Variants in PTPRT observed in about 807,000 individuals in gnomAD.
The protein encoded by PTPRT is protein tyrosine phosphatase receptor type T, also known as receptor-type tyrosine-protein phosphatase T.
Under a neutral mutation model 176.8 loss-of-function variants are expected in PTPRT, and 56 were observed. The observed-to-expected ratio is 0.32, with a 90% confidence interval of 0.26 to 0.40. The LOEUF is 0.40. PTPRT is among the 10% of genes least tolerant of loss of function. PTPRT has a pLI of 1.00. For synonymous variants in PTPRT, 783 were observed against 739.0 expected (o/e 1.06, Z -0.96); for missense variants, 1,540 against 1,908.2 (o/e 0.81, Z 3.60).
chr20:42,371,997 A>G (rs2058593284), intron 9 of PTPRT, among the ~76,000 whole-genome samples: 1 of 152,156 alleles, frequency 6.6e-6, no homozygotes, highest in South Asian at 2.1e-4. Context: ...CTCTACTCCT[A>G]GGATGTTTAT....
intron 16 of PTPRT, among the ~76,000 whole-genome samples, chr20:42,170,334 A>G (rs1040970065): frequency 3.9e-5 from 6 of 152,326 alleles, no homozygotes; most frequent in African/African-American, 7.2e-5. Context: ...TCTTAATCTA[A>G]ACAACAGAAA....
chr20:42,797,271 T>C (rs926210626), intron 2 of PTPRT, among the ~76,000 whole-genome samples: 4 of 152,246 alleles, frequency 2.6e-5, no homozygotes, highest in African/African-American at 9.6e-5. Flanking sequence ...TTCAGGTCCA[T>C]GGCATTTGTG....
chr20:42,428,897 C>T (rs143338454), intron 9 of PTPRT, among the ~76,000 whole-genome samples: 1 of 152,232 alleles, frequency 6.6e-6, no homozygotes, highest in Non-Finnish European at 1.5e-5. Flanking sequence ...ACCTCAGTCA[C>T]CCTCTTCATT....
chr20:42,497,473 CAA>C (rs1325666132), intron 7 of PTPRT, among the ~76,000 whole-genome samples: 1 of 151,846 alleles, frequency 6.6e-6, no homozygotes. Context: ...TTGTTTGAGA[CAA>C]AGTCTCTCTG....
intron 1 of PTPRT, among the ~76,000 whole-genome samples, chr20:43,040,216 A>C (rs2146211250): frequency 6.6e-6 from 1 of 152,358 alleles, no homozygotes; most frequent in South Asian, 2.1e-4. Flanking sequence ...CTAATCAAAA[A>C]ATGTTTTCAT....
chr20:42,262,283 A>G (rs1164211995), intron 13 of PTPRT, among the ~76,000 whole-genome samples: 1 of 152,202 alleles, frequency 6.6e-6, no homozygotes, highest in Non-Finnish European at 1.5e-5. Flanking sequence ...TGAGGAGGGT[A>G]GAAGAAGTGG....
At chr20:42,080,987 G>T (rs913887805) in intron 30 of PTPRT, 55 bp from the exon 31 acceptor site, 7 of 1,420,910 alleles carry the variant, frequency 4.9e-6, no homozygotes, top group South Asian at 1.2e-5. Flanking sequence ...CGAGAGAGAT[G>T]AAAAAGGAAA....
chr20:42,618,732 A>G (rs1476032694), intron 7 of PTPRT, among the ~76,000 whole-genome samples: 3 of 133,362 alleles, frequency 2.2e-5, no homozygotes, highest in Non-Finnish European at 4.7e-5. Flanking sequence ...GTTGGTTTAA[A>G]GTCTGTTTTA....
intron 7 of PTPRT, among the ~76,000 whole-genome samples, chr20:42,626,623 T>C (rs6030374): frequency 0.23 from 34,719 of 152,088 alleles, 4,335 homozygotes; most frequent in Non-Finnish European, 0.29. Flanking sequence ...CCTCTTTAGT[T>C]GCAAGATTCC....
intron 7 of PTPRT, among the ~76,000 whole-genome samples, chr20:42,533,829 C>T (rs1259514212): frequency 6.6e-6 from 1 of 152,188 alleles, no homozygotes; most frequent in South Asian, 2.1e-4. Context: ...TCAGTCCCTA[C>T]TTCTGTAAAT....
chr20:42,989,947 T>C (rs560743672), intron 1 of PTPRT, among the ~76,000 whole-genome samples: 1 of 152,360 alleles, frequency 6.6e-6, no homozygotes, highest in South Asian at 2.1e-4. Context: ...TGTGGAGATG[T>C]TGAATGAAGA....
chr20:42,086,753 A>AAATATATATATATATATATATAT (rs1983991312), intron 27 of PTPRT, among the ~76,000 whole-genome samples: 5 of 95,526 alleles, frequency 5.2e-5, no homozygotes, highest in African/African-American at 1.5e-4. Flanking sequence ...AAAAAAAAAA[A>AAATATATATATATATATATATAT]ATATATATAT....
At chr20:42,785,769 G>A (rs879440641) in intron 3 of PTPRT, among the ~76,000 whole-genome samples, 3 of 152,112 alleles carry the variant, frequency 2.0e-5, no homozygotes, top group East Asian at 3.9e-4. Flanking sequence ...TAACAACACT[G>A]GCTATTTCTT....
At chr20:42,060,897 G>A in the PTPRT span, among the ~76,000 whole-genome samples, 7 of 152,200 alleles carry the variant, frequency 4.6e-5, no homozygotes, top group Non-Finnish European at 8.8e-5. Context: ...GAACCAGCAT[G>A]TGATAATGGT....
At chr20:42,468,773 G>A (rs2071143124) in intron 8 of PTPRT, among the ~76,000 whole-genome samples, 1 of 152,140 alleles carries the variant, frequency 6.6e-6, no homozygotes, top group Admixed American at 6.5e-5. Context: ...GCTGCTCCTT[G>A]GGAAAACCTT....
intron 13 of PTPRT, among the ~76,000 whole-genome samples, chr20:42,269,378 C>T (rs2056892123): frequency 6.6e-6 from 1 of 152,188 alleles, no homozygotes; most frequent in African/African-American, 2.4e-5. Flanking sequence ...GATAAACTGA[C>T]CGTTCAGGGA....
At position 43,038,064 on chromosome 20, in the gene PTPRT, TTATTTATCTG is replaced by T. The variant is rs1482294912; in HGVS notation, c.88+151572_88+151581del. Among the ~76,000 whole-genome samples the T allele has an allele frequency of 1.4e-3, 214 of 152,022 alleles. 1 individual carries two copies. Among genetic ancestry groups the T allele is most frequent in the African/African-American group, 4.9e-3 (202 of 41,294 alleles). ...ACCTGACCTGAGCCTATTTATAGCA[TTATTTATCTG>T]ACTTAGCTTTGCAGTCATATGTTTG... is the stretch of plus-strand genomic sequence containing the variant. On this transcript the variant is annotated intron_variant, in intron 1 of 30. Coordinates refer to ENST00000373187, the MANE Select transcript of PTPRT (RefSeq NM_007050.6).
At chr20:42,194,176 T>C (rs6072651) in intron 16 of PTPRT, among the ~76,000 whole-genome samples, 95,795 of 152,118 alleles carry the variant, frequency 0.63, 31,096 homozygotes, top group African/African-American at 0.79. Context: ...ATTTGTGATA[T>C]AATACCTCAT....
intron 29 of PTPRT, among the ~76,000 whole-genome samples, chr20:42,084,222 A>G (rs1463685897): frequency 1.3e-5 from 2 of 152,246 alleles, no homozygotes; most frequent in East Asian, 1.9e-4. Flanking sequence ...GACAATGTCC[A>G]TTCGAAGACA....
Sources: allele counts gnomAD v4.1 joint callset (sites outside exome capture counted in the v4.1 genomes callset), GRCh38; gene constraint gnomAD v4.1.1; transcripts MANE v1.5; gene names NCBI Gene and HGNC (gene_info 2026-07-23, HGNC 2026-07-21).